The following PHACTR2 variants were observed in gnomAD, a reference collection of about 807,000 sequenced individuals.
PHACTR2 encodes the protein phosphatase and actin regulator 2, also known as chromosome 6 open reading frame 56.
In PHACTR2, 30 loss-of-function variants were observed where a neutral mutation model predicts 76.0. That is an observed-to-expected ratio of 0.39 (90% CI 0.30 to 0.54). The LOEUF is 0.54. PHACTR2 is among the 20% of genes least tolerant of loss of function. The pLI is 0.61. For missense variants in PHACTR2, 696 were observed against 781.1 expected, an observed-to-expected ratio of 0.89 and a Z score of 1.30; for synonymous variants, 292 against 292.5, an observed-to-expected ratio of 1.00 and a Z score of 0.02.
intron 6 of PHACTR2, among the ~76,000 whole-genome samples, chr6:143,768,833 T>C (rs773160031): frequency 4.6e-5 from 7 of 152,196 alleles, no homozygotes; most frequent in Admixed American, 2.6e-4. Context: ...GAAGAGGCCA[T>C]AGGGATTTTC....
intron 2 of PHACTR2, among the ~76,000 whole-genome samples, chr6:143,736,820 C>T (rs901156395): frequency 2.0e-5 from 3 of 151,426 alleles, no homozygotes; most frequent in African/African-American, 2.4e-5. Context: ...GTGATCCGCC[C>T]GCCTCGGCCT....
In PHACTR2 at chr6:143,659,321, G is replaced by A. The variant is rs907124196; in HGVS notation, c.13+50999G>A. Among the ~76,000 whole-genome samples the A allele has an allele frequency of 3.3e-5, 5 of 151,910 alleles. No individual in the cohort carries two copies. Among genetic ancestry groups the A allele is most frequent in the African/African-American group, 1.2e-4 (5 of 41,352 alleles). On this transcript the variant is annotated intron_variant, in intron 1 of 11. Transcript: ENST00000305766. This position sits in a 1 kb window ranked among gnomAD's most constrained non-coding sequence, Gnocchi z 5.0. Reference sequence around the variant, plus strand: ...CTTTTTTACTGTTTTGTAGCAACACGTAGCTTAAGACACAAACTCACTGTA... The same window carrying A: ...CTTTTTTACTGTTTTGTAGCAACACATAGCTTAAGACACAAACTCACTGTA...
chr6:143,548,384 C>A lies in PHACTR2; in HGVS notation c.217+11177C>A, dbSNP rs961738763. On this transcript the variant is annotated intron_variant, in intron 1 of 11. Transcript: ENST00000367584. This position sits in a 1 kb window ranked among gnomAD's most constrained non-coding sequence, Gnocchi z 4.5. ...GCATTCAGTCCGTAACACTACCTAACTAATCTGTCTTTCCATCCATTCAAC... is the reference window on the plus strand; with the variant it reads ...GCATTCAGTCCGTAACACTACCTAAATAATCTGTCTTTCCATCCATTCAAC... Among the ~76,000 whole-genome samples the A allele has an allele frequency of 6.6e-6, 1 of 152,074 alleles. No homozygotes were observed. Among genetic ancestry groups the A allele is most frequent in the Non-Finnish European group, 1.5e-5 (1 of 67,998 alleles).
rs1289456770 is a variant in PHACTR2, at chr6:143,652,405, T to C, written c.13+44083T>C. ...ACCTGCGCTGCTGTTTGTTTGTTTG[T>C]TTGTTTGTTTGTTTTTCCCTGTATC... On this transcript the variant is annotated intron_variant, in intron 1 of 11. Transcript: ENST00000305766. The surrounding 1 kb of genome is among the most constrained non-coding windows in gnomAD (Gnocchi z 4.5). Among the ~76,000 whole-genome samples, 1 of 152,118 alleles carries C rather than the reference T, an allele frequency of 6.6e-6. No individual in the cohort carries two copies. The highest frequency in any genetic ancestry group is 1.5e-5 in the Non-Finnish European group (1 of 68,022).
At chr6:143,628,713 C>G (rs1357897610) in intron 1 of PHACTR2, among the ~76,000 whole-genome samples, 2 of 151,704 alleles carry the variant, frequency 1.3e-5, no homozygotes, top group African/African-American at 4.8e-5. Flanking sequence ...TTTATAGGCT[C>G]TAGGGATTAG....
intron 1 of PHACTR2, among the ~76,000 whole-genome samples, chr6:143,699,594 A>G (rs557619222): frequency 3.9e-5 from 6 of 152,310 alleles, no homozygotes; most frequent in Admixed American, 3.9e-4. Flanking sequence ...TCCGTTGGAC[A>G]TCTTCCCTTG....
intron 1 of PHACTR2, among the ~76,000 whole-genome samples, chr6:143,588,471 G>C (rs1251690267): frequency 6.6e-6 from 1 of 152,098 alleles, no homozygotes; most frequent in Non-Finnish European, 1.5e-5. Context: ...TGGCTCTCCA[G>C]AGTAACCTCT....
rs1250529848 is a variant in PHACTR2 at position 143,663,720 on chromosome 6, G to A, written c.14-48296G>A. On this transcript the variant is annotated intron_variant, in intron 1 of 11. Transcript: ENST00000305766. The surrounding 1 kb of genome is among the most constrained non-coding windows in gnomAD (Gnocchi z 4.1). ...TCTTTCAGTTTCTAAAAATGTGTGG[G>A]AGGGGTTTTTATTTCTGTTTTTAAC... Among the ~76,000 whole-genome samples the A allele has an allele frequency of 6.6e-6, 1 of 152,016 alleles. No homozygotes were observed. Among genetic ancestry groups the A allele is most frequent in the Non-Finnish European group, 1.5e-5 (1 of 67,976 alleles).
At chr6:143,778,691 T>TG (rs1775344679) in intron 9 of PHACTR2, among the ~76,000 whole-genome samples, 1 of 152,182 alleles carries the variant, frequency 6.6e-6, no homozygotes, top group Non-Finnish European at 1.5e-5. Flanking sequence ...TCCTGGGAAA[T>TG]GCTTGTTGAA....
upstream of PHACTR2, among the ~76,000 whole-genome samples, chr6:143,605,020 T>A (rs1775853088): frequency 6.6e-6 from 1 of 151,698 alleles, no homozygotes; most frequent in Non-Finnish European, 1.5e-5. This position sits in a 1 kb window ranked among gnomAD's most constrained non-coding sequence, Gnocchi z 5.0. Context: ...AAGATGTGCT[T>A]GGTGATGCGT....
At chr6:143,669,560 AT>A (rs1271132483) in intron 1 of PHACTR2, among the ~76,000 whole-genome samples, 1 of 152,090 alleles carries the variant, frequency 6.6e-6, no homozygotes, top group African/African-American at 2.4e-5. Context: ...GTGCTCCTAT[AT>A]TTTGTGCATA....
intron 1 of PHACTR2, among the ~76,000 whole-genome samples, chr6:143,622,524 ACTT>A (rs1231739135): frequency 3.3e-5 from 5 of 152,210 alleles, no homozygotes; most frequent in Admixed American, 6.5e-5. Flanking sequence ...TGGCTGACTC[ACTT>A]CTTCTGCCAT....
At chr6:143,797,248 G>T (rs1473686673) in intron 11 of PHACTR2, among the ~76,000 whole-genome samples, 1 of 152,126 alleles carries the variant, frequency 6.6e-6, no homozygotes, top group African/African-American at 2.4e-5. Context: ...CCCATTTTTT[G>T]ATGGGGTTGT....
rs941764096 is a variant in PHACTR2 at position 143,780,757 on chromosome 6, C to G, written c.1646-2462C>G. Among the ~76,000 whole-genome samples the G allele has an allele frequency of 3.3e-5, 5 of 152,274 alleles. No individual in the cohort carries two copies. The highest frequency in any genetic ancestry group is 1.9e-4 in the East Asian group (1 of 5,186). ...TCCGAAATGTTCGCCCCTCTCTGCT[C>G]TGATGAGAGTCACTGAGAGCAAGAT... On this transcript the variant is annotated intron_variant, in intron 9 of 12. Transcript: ENST00000440869. The surrounding 1 kb of genome is among the most constrained non-coding windows in gnomAD (Gnocchi z 4.4).
intron 1 of PHACTR2, among the ~76,000 whole-genome samples, chr6:143,545,651 C>T (rs73586262): frequency 6.6e-6 from 1 of 152,120 alleles, no homozygotes; most frequent in Non-Finnish European, 1.5e-5. Flanking sequence ...AGAACCAAGA[C>T]TCAAATCTTC....
In PHACTR2 at chr6:143,754,683, G is replaced by A. The variant is rs534458317; in HGVS notation, c.454+771G>A. On this transcript the variant is annotated intron_variant, in intron 4 of 12. Transcript: ENST00000440869. The surrounding 1 kb of genome is among the most constrained non-coding windows in gnomAD (Gnocchi z 6.2). Reference sequence around the variant, plus strand: ...CATCTCGATACCACTGCTGTGATGCGTAGGAACCTCCAAACATGAAATGAA... The same window carrying A: ...CATCTCGATACCACTGCTGTGATGCATAGGAACCTCCAAACATGAAATGAA... 3.9e-5 allele frequency among the ~76,000 whole-genome samples: 6 copies of A among 152,310 alleles called. No homozygotes were observed. The highest frequency in any genetic ancestry group is 2.1e-4 in the South Asian group (1 of 4,824).
intron 2 of PHACTR2, among the ~76,000 whole-genome samples, chr6:143,712,617 A>G (rs1192970339): frequency 6.6e-6 from 1 of 152,016 alleles, no homozygotes; most frequent in African/African-American, 2.4e-5. Flanking sequence ...TGCTATACAC[A>G]TAACGTAATG....
At position 143,564,196 on chromosome 6, in the gene PHACTR2, CATATATATATATATATAT is replaced by C. The variant is rs59017997; in HGVS notation, c.217+27012_217+27029del. ...ATGTGTGTGTGTATGTGTGTGTGTG[CATATATATATATATATAT>C]ATATATATATATATATATATATGTA... is the stretch of plus-strand genomic sequence containing the variant. On this transcript the variant is annotated intron_variant, in intron 1 of 11. Coordinates refer to the PHACTR2 transcript ENST00000367584. Among the ~76,000 whole-genome samples, 20 of 40,302 alleles carry C rather than the reference CATATATATATATATATAT, an allele frequency of 5.0e-4. 1 individual carries two copies. The East Asian group carries it at 6.8e-3, about 14-fold the overall frequency. The allele number at this position is 40,302 out of a possible 152,430, so 26.4% of individuals were successfully genotyped here.
intron 1 of PHACTR2, among the ~76,000 whole-genome samples, chr6:143,681,084 G>A (rs750600427): frequency 2.6e-5 from 4 of 152,136 alleles, no homozygotes; most frequent in Non-Finnish European, 5.9e-5. Flanking sequence ...ACAAGTTGTT[G>A]TGAAGATATG....
Sources: allele counts gnomAD v4.1 joint callset (sites outside exome capture counted in the v4.1 genomes callset), GRCh38; gene constraint gnomAD v4.1.1; non-coding constraint Gnocchi (gnomAD v3.1); transcripts MANE v1.5; gene names NCBI Gene and HGNC (gene_info 2026-07-23, HGNC 2026-07-21).